The following RALY variants were observed in gnomAD, a reference collection of about 807,000 sequenced individuals.
RALY encodes RNA-binding protein Raly.
A neutral mutation model predicts 30.7 loss-of-function variants in RALY; 15 were observed. The ratio of observed to expected loss-of-function variants is 0.49; its 90% CI spans 0.33 to 0.75. The LOEUF is 0.75. RALY is among the 30% of genes least tolerant of loss of function. The pLI, the probability that RALY is intolerant of heterozygous loss-of-function variation, is 0.02. For synonymous variants in RALY, 177 were observed against 170.8 expected, an observed-to-expected ratio of 1.04 and a Z score of -0.28; for missense variants, 339 against 414.3, an observed-to-expected ratio of 0.82 and a Z score of 1.58.
chr20:34,002,059 G>A (rs774687690), intron 1 of RALY, among the ~76,000 whole-genome samples: 4 of 152,158 alleles, frequency 2.6e-5, no homozygotes, highest in African/African-American at 9.7e-5. Context: ...GAGCAGCCGC[G>A]CCTGACCACG....
At chr20:34,046,467 G>A (rs1386188878) in intron 2 of RALY, among the ~76,000 whole-genome samples, 1 of 152,058 alleles carries the variant, frequency 6.6e-6, no homozygotes, top group Non-Finnish European at 1.5e-5. Context: ...TTAAGCATTG[G>A]GTAAAGAGAA....
At chr20:34,054,642 G>A (rs2033183485) in intron 2 of RALY, among the ~76,000 whole-genome samples, 1 of 152,080 alleles carries the variant, frequency 6.6e-6, no homozygotes, top group South Asian at 2.1e-4. Flanking sequence ...CCTGACCAAT[G>A]TGGTGAAACT....
chr20:34,022,013 C>T (rs1297271345), intron 1 of RALY, among the ~76,000 whole-genome samples: 1 of 151,526 alleles, frequency 6.6e-6, no homozygotes, highest in African/African-American at 2.4e-5. Context: ...CCACCTTGGC[C>T]TCCCAAAGTG....
intron 1 of RALY, among the ~76,000 whole-genome samples, chr20:34,021,687 A>G (rs2031827914): frequency 6.6e-6 from 1 of 152,196 alleles, no homozygotes; most frequent in African/African-American, 2.4e-5. Flanking sequence ...TACTTGATAC[A>G]CAGGCAAGTC....
At chr20:34,038,375 G>C (rs1021625235) in intron 2 of RALY, among the ~76,000 whole-genome samples, 1 of 152,154 alleles carries the variant, frequency 6.6e-6, no homozygotes, top group Non-Finnish European at 1.5e-5. Context: ...GTCTGTGAGC[G>C]TTGGTGGTTC....
intron 1 of RALY, among the ~76,000 whole-genome samples, chr20:34,022,889 T>A (rs1020039458): frequency 2.6e-5 from 4 of 152,182 alleles, no homozygotes; most frequent in African/African-American, 9.7e-5. Context: ...TCCCCCAAAG[T>A]TCCCCTCTCT....
chr20:33,997,828 G>A (rs2030712948), intron 1 of RALY, among the ~76,000 whole-genome samples: 1 of 152,124 alleles, frequency 6.6e-6, no homozygotes, highest in African/African-American at 2.4e-5. Flanking sequence ...CTGGGGGTTG[G>A]GAGAGGCAGT....
intron 1 of RALY, among the ~76,000 whole-genome samples, chr20:34,029,050 G>A (rs1390881779): frequency 6.6e-6 from 1 of 152,166 alleles, no homozygotes; most frequent in East Asian, 1.9e-4. Context: ...GGGGAGACTA[G>A]TGAAACAGAG....
rs1253911397 is a variant in RALY, at chr20:34,081,295, TC to T, written c.*1392del. On this transcript the variant is annotated 3_prime_UTR_variant, in exon 10 of 10. Coordinates refer to ENST00000246194, the MANE Select transcript of RALY (RefSeq NM_016732.3). ...GGCAGCACCCAGAAATAGGCTTTGT[TC>T]CAGGCCTGGCACGTACTCCTCCTGC... 1.3e-5 allele frequency: 2 copies of T among 152,242 alleles called. No individual in the cohort carries two copies. Among genetic ancestry groups the T allele is most frequent in the Non-Finnish European group, 2.9e-5 (2 of 68,098 alleles). The allele number at this position is 152,242 out of a possible 1,614,324, so 9.4% of individuals were successfully genotyped here.
intron 1 of RALY, among the ~76,000 whole-genome samples, chr20:34,022,217 C>G (rs1244398907): frequency 6.6e-6 from 1 of 151,874 alleles, no homozygotes; most frequent in Admixed American, 6.6e-5. Flanking sequence ...ATGGGAGCCA[C>G]CATGCACAGC....
intron 2 of RALY, among the ~76,000 whole-genome samples, chr20:34,050,514 T>TG (rs2033040970): frequency 6.6e-6 from 1 of 152,210 alleles, no homozygotes; most frequent in African/African-American, 2.4e-5. Context: ...CACAGCAATG[T>TG]GGGTTATGAG....
At position 34,076,690 on chromosome 20, in the gene RALY, C is replaced by T; in HGVS notation, c.545-12C>T. ...CCCCTAGGTGACAGCCCTGTCCCCC[C>T]TCCACTCCCAGTAAAGAGCAGTGAG... On this transcript the variant is annotated splice_polypyrimidine_tract_variant and intron_variant, in intron 6 of 9. Transcript: ENST00000246194. 2 of 1,612,616 alleles carry T rather than the reference C, an allele frequency of 1.2e-6. No individual in the cohort carries two copies. Among genetic ancestry groups the T allele is most frequent in the South Asian group, 1.1e-5 (1 of 90,954 alleles).
chr20:34,056,534 C>T (rs1312032112), intron 2 of RALY, among the ~76,000 whole-genome samples: 1 of 152,168 alleles, frequency 6.6e-6, no homozygotes, highest in African/African-American at 2.4e-5. Flanking sequence ...TATACAGTGT[C>T]TGGCAGTAAT....
chr20:34,034,425 C>G (rs1174200432), intron 2 of RALY, among the ~76,000 whole-genome samples: 1 of 152,190 alleles, frequency 6.6e-6, no homozygotes, highest in Non-Finnish European at 1.5e-5. Flanking sequence ...ATCTAAAGTT[C>G]TACAGCTTCT....
intron 1 of RALY, among the ~76,000 whole-genome samples, chr20:34,003,212 T>G (rs141414388): frequency 1.6e-3 from 241 of 152,342 alleles, no homozygotes; most frequent in African/African-American, 5.3e-3. Context: ...TAAGGCCATG[T>G]AAACTGGAGA....
chr20:34,073,709 G>A (rs2033796154), intron 4 of RALY, 74 bp downstream of exon 4: 1 of 1,543,566 alleles, frequency 6.5e-7, no homozygotes, highest in African/African-American at 1.4e-5. Context: ...ATGCTGGTGT[G>A]ACAGTGTGCT....
intron 2 of RALY, among the ~76,000 whole-genome samples, chr20:34,051,360 A>G (rs950590165): frequency 8.5e-5 from 13 of 152,178 alleles, no homozygotes; most frequent in Non-Finnish European, 1.6e-4. Context: ...GGTGCTCGCC[A>G]CTTTCTAGTT....
chr20:34,003,440 G>C (rs2122981403), intron 1 of RALY, among the ~76,000 whole-genome samples: 1 of 152,146 alleles, frequency 6.6e-6, no homozygotes, highest in South Asian at 2.1e-4. Context: ...TCTCTTTGTA[G>C]GGAGCAGGGA....
chr20:34,035,276 T>A (rs2032453179), intron 2 of RALY, among the ~76,000 whole-genome samples: 1 of 147,278 alleles, frequency 6.8e-6, no homozygotes, highest in Admixed American at 6.8e-5. Context: ...GTAATTTCTG[T>A]GGTAGTTTTG....
Sources: gnomAD v4.1 joint callset for allele counts (sites outside exome capture counted in the v4.1 genomes callset) on GRCh38, gnomAD v4.1.1 for gene constraint, MANE v1.5 for transcripts, NCBI Gene and HGNC (gene_info 2026-07-23, HGNC 2026-07-21) for gene names.